Variants in ABI2 observed in about 807,000 individuals in gnomAD.
ABI2 encodes abl interactor 2.
ABI2 carries 25 observed loss-of-function variants against 59.2 expected under a neutral mutation model. That is an observed-to-expected ratio of 0.42 (90% confidence interval 0.31 to 0.59). The LOEUF (loss-of-function observed/expected upper bound fraction) is 0.59. Among genes scored for constraint, ABI2 ranks in the 20% least tolerant of loss-of-function variants. ABI2 has a pLI of 0.14. For missense variants in ABI2, 545 were observed against 681.8 expected (o/e 0.80, Z 2.23); for synonymous variants, 213 against 235.5 (o/e 0.90, Z 0.87).
chr2:203,395,635 TG>T lies in ABI2; in HGVS notation c.726-19del. Reference sequence around the variant, plus strand: ...TTACTGTTTATAAATACTCATGTTTTGGTGGCTCTTATTTCTTTAGCAGCAG... The same window carrying T: ...TTACTGTTTATAAATACTCATGTTTTGTGGCTCTTATTTCTTTAGCAGCAG... On this transcript the variant is annotated intron_variant, in intron 6 of 11. Coordinates refer to ENST00000261018, the MANE Select transcript of ABI2 (RefSeq NM_001375670.1). 1 of 1,600,258 alleles carries T rather than the reference TG, an allele frequency of 6.2e-7. No individual in the cohort carries two copies. Among genetic ancestry groups the T allele is most frequent in the Non-Finnish European group, 8.5e-7 (1 of 1,174,044 alleles).
In ABI2 at chr2:203,428,456, G is replaced by C. The variant is rs572948944; in HGVS notation, c.*1104G>C. 1 of 152,656 alleles carries C rather than the reference G, an allele frequency of 6.6e-6. No individual in the cohort carries two copies. The highest frequency in any genetic ancestry group is 2.4e-5 in the African/African-American group (1 of 41,534). The allele number at this position is 152,656 out of a possible 1,614,324, so 9.5% of individuals were successfully genotyped here. On this transcript the variant is annotated 3_prime_UTR_variant, in exon 12 of 12. Transcript: ENST00000261018. ...ACTGACTCGCTTAGCTGTAGAAAGG[G>C]TAATACTCTCCTGATTTTGTATGAT...
rs2096909073 is a variant in ABI2, at chr2:203,394,865, T to G, written c.725+19T>G. The G allele has an allele frequency of 1.2e-6, 2 of 1,612,996 alleles. No individual in the cohort carries two copies. The highest frequency in any genetic ancestry group is 1.7e-6 in the Non-Finnish European group (2 of 1,179,354). ...CTTACAGGTATTTTCTCTACCTCAG[T>G]GCAAAATGTGATGGTCATAGTACCA... On this transcript the variant is annotated intron_variant, in intron 6 of 11. Transcript: ENST00000261018.
chr2:203,413,000 A>C (rs189925082), intron 10 of ABI2, among the ~76,000 whole-genome samples: 210 of 152,364 alleles, frequency 1.4e-3, no homozygotes, highest in African/African-American at 4.8e-3. Context: ...ATCCGGTTTA[A>C]TCACAATGAT....
At chr2:203,422,125 C>T (rs952522059) in intron 11 of ABI2, among the ~76,000 whole-genome samples, 1 of 151,956 alleles carries the variant, frequency 6.6e-6, no homozygotes, top group Non-Finnish European at 1.5e-5. Context: ...GCGATACCCT[C>T]GTCTCTACAA....
chr2:203,400,517 G>T (rs1479459085), intron 8 of ABI2, among the ~76,000 whole-genome samples: 2 of 152,166 alleles, frequency 1.3e-5, no homozygotes, highest in Non-Finnish European at 2.9e-5. Context: ...ATTGTATTCA[G>T]TGGTTCAAAT....
At chr2:203,351,472 CTTTTCA>C in intron 1 of ABI2, 1 of 375,406 alleles carries the variant, frequency 2.7e-6, no homozygotes, top group Non-Finnish European at 5.1e-6. Flanking sequence ...ACATGGATGT[CTTTTCA>C]TTTACATCAT....
intron 1 of ABI2, among the ~76,000 whole-genome samples, chr2:203,346,362 T>C (rs867185722): frequency 2.6e-5 from 4 of 152,196 alleles, no homozygotes; most frequent in Admixed American, 6.5e-5. Flanking sequence ...GTTTGTATAT[T>C]AGAGGAAAAT....
intron 1 of ABI2, among the ~76,000 whole-genome samples, chr2:203,356,872 ATGTAT>A (rs2092217400): frequency 6.6e-6 from 1 of 151,472 alleles, no homozygotes; most frequent in Non-Finnish European, 1.5e-5. Context: ...AGGTAATAAG[ATGTAT>A]TGTAAGGATT....
chr2:203,375,497 A>G (rs1417325731), intron 2 of ABI2, among the ~76,000 whole-genome samples: 1 of 152,226 alleles, frequency 6.6e-6, no homozygotes, highest in East Asian at 1.9e-4. Flanking sequence ...TTGTACTTCC[A>G]AAATTTAACT....
At chr2:203,405,189 C>T (rs1441490423) in intron 9 of ABI2, among the ~76,000 whole-genome samples, 1 of 152,138 alleles carries the variant, frequency 6.6e-6, no homozygotes, top group Non-Finnish European at 1.5e-5. Flanking sequence ...CTATTAAGTT[C>T]TGCCTTTCAT....
chr2:203,417,091 A>G lies in ABI2; in HGVS notation c.1453+10A>G. 2 of 1,605,666 alleles carry G rather than the reference A, an allele frequency of 1.2e-6. No homozygotes were observed. Among genetic ancestry groups the G allele is most frequent in the Non-Finnish European group, 1.7e-6 (2 of 1,176,008 alleles). On this transcript the variant is annotated intron_variant, in intron 11 of 11. Coordinates refer to ENST00000261018, the MANE Select transcript of ABI2 (RefSeq NM_001375670.1). ...TCTTACTTGGAAAAGGGTAAGTTTC[A>G]GAAGGATATCTGGATAGATGGGAAG...
At chr2:203,401,459 T>C (rs986088950) in intron 8 of ABI2, among the ~76,000 whole-genome samples, 2 of 152,118 alleles carry the variant, frequency 1.3e-5, no homozygotes, top group African/African-American at 4.8e-5. Context: ...TTAATGTAGG[T>C]GGGAGTGCAG....
chr2:203,336,894 C>G (rs1008153016), intron 1 of ABI2, among the ~76,000 whole-genome samples: 3 of 152,140 alleles, frequency 2.0e-5, no homozygotes, highest in Non-Finnish European at 4.4e-5. Context: ...AACGATGGTA[C>G]CGTTTTGCGT....
chr2:203,409,998 T>C (rs190658598), intron 9 of ABI2, among the ~76,000 whole-genome samples: 225 of 152,338 alleles, frequency 1.5e-3, no homozygotes, highest in Non-Finnish European at 2.4e-3. Context: ...TTTGGGTATC[T>C]TTTCCTAGCC....
At chr2:203,338,944 A>G (rs1458327915) in intron 1 of ABI2, among the ~76,000 whole-genome samples, 2,108 of 7,728 alleles carry the variant, frequency 0.27, 225 homozygotes, top group African/African-American at 0.45. Context: ...GTATATATAT[A>G]TATATATATA....
In ABI2 at chr2:203,393,084, G is replaced by A. The variant is rs1269547956; in HGVS notation, c.579-1616G>A. On this transcript the variant is annotated intron_variant, in intron 5 of 11. Coordinates refer to ENST00000261018, the MANE Select transcript of ABI2 (RefSeq NM_001375670.1). The stretch of plus-strand genomic sequence containing the variant: ...TATTTTTTTGAGACAGAGTCTCACT[G>A]GAGTGCGGTTGTACAATATTGGCTC... Among the ~76,000 whole-genome samples, 9 of 152,224 alleles carry A rather than the reference G, an allele frequency of 5.9e-5. No homozygotes were observed. The East Asian group carries it at 1.4e-3, about 23-fold the overall frequency.
chr2:203,381,896 T>C (rs1176328867), intron 3 of ABI2, among the ~76,000 whole-genome samples: 1 of 152,236 alleles, frequency 6.6e-6, no homozygotes, highest in Non-Finnish European at 1.5e-5. Flanking sequence ...TTCAGGATTC[T>C]AGCCCCTTCA....
chr2:203,344,419 G>A (rs1027554409), intron 1 of ABI2, among the ~76,000 whole-genome samples: 12 of 151,754 alleles, frequency 7.9e-5, no homozygotes, highest in African/African-American at 2.9e-4. Context: ...AGGTTGGAGT[G>A]CAGGGGCGTG....
rs994332790 is a variant in ABI2, at chr2:203,330,188, A to G, written c.117+1557A>G. On this transcript the variant is annotated intron_variant, in intron 1 of 11. Coordinates refer to ENST00000261018, the MANE Select transcript of ABI2 (RefSeq NM_001375670.1). Reference sequence around the variant, plus strand: ...TAGACATACTGTTATCTTGTAGACAACATTTGTATTTGAGAATGACCCGAA... The same window carrying G: ...TAGACATACTGTTATCTTGTAGACAGCATTTGTATTTGAGAATGACCCGAA... Among the ~76,000 whole-genome samples the G allele has an allele frequency of 4.0e-4, 43 of 108,608 alleles. 1 individual carries two copies. The highest frequency in any genetic ancestry group is 1.2e-3 in the African/African-American group (41 of 33,194). The allele number at this position is 108,608 out of a possible 152,430, so 71.3% of individuals were successfully genotyped here.
Sources: allele counts gnomAD v4.1 joint callset (sites outside exome capture counted in the v4.1 genomes callset), GRCh38; gene constraint gnomAD v4.1.1; transcripts MANE v1.5; gene names NCBI Gene and HGNC (gene_info 2026-07-23, HGNC 2026-07-21).